Variants in RUFY1 observed in about 807,000 individuals in gnomAD.
RUFY1 encodes RUN and FYVE domain-containing protein 1.
A neutral mutation model predicts 94.6 loss-of-function variants in RUFY1; 54 were observed. The observed-to-expected ratio is 0.57, with a 90% CI of 0.46 to 0.72. RUFY1 has a LOEUF of 0.72. Ranked by LOEUF, RUFY1 falls within the 30% of genes least tolerant of loss-of-function variation. The pLI is 0.00. For synonymous variants in RUFY1, 396 were observed against 347.3 expected, an observed-to-expected ratio of 1.14 and a Z score of -1.56; for missense variants, 883 against 883.9, an observed-to-expected ratio of 1.00 and a Z score of 0.01.
chr5:179,609,617 AAG>A lies in RUFY1; in HGVS notation c.*100_*101del. ...GTTCTTTCCCAAGAGTATCAAAGGA[AAG>A]AATCAAATTTCTTGCCCGGTCACTG... On this transcript the variant is annotated 3_prime_UTR_variant, in exon 18 of 18. Coordinates refer to ENST00000319449, the MANE Select transcript of RUFY1 (RefSeq NM_025158.5). The A allele has an allele frequency of 1.6e-6, 2 of 1,249,178 alleles. No individual in the cohort carries two copies. The highest frequency in any genetic ancestry group is 2.1e-6 in the Non-Finnish European group (2 of 935,608). 77.4% of individuals were successfully genotyped at this position (1,249,178 alleles called of 1,614,324 possible).
At chr5:179,560,509 G>A (rs1214896886) in intron 2 of RUFY1, among the ~76,000 whole-genome samples, 1 of 151,358 alleles carries the variant, frequency 6.6e-6, no homozygotes, top group Non-Finnish European at 1.5e-5. Context: ...CACGAGGTCA[G>A]GATATCGAGA....
chr5:179,589,536 C>G lies in RUFY1; in HGVS notation c.1027-10C>G. 1 of 1,596,364 alleles carries G rather than the reference C, an allele frequency of 6.3e-7. No homozygotes were observed. Among genetic ancestry groups the G allele is most frequent in the South Asian group, 1.1e-5 (1 of 90,592 alleles). The stretch of plus-strand genomic sequence containing the variant: ...TGATGTTAAGAACTGTAAAAATTTT[C>G]CTTAATCAGCTTTCAGCTGCAACAG... On this transcript the variant is annotated splice_polypyrimidine_tract_variant and intron_variant, in intron 8 of 17. Coordinates refer to ENST00000319449, the MANE Select transcript of RUFY1 (RefSeq NM_025158.5).
chr5:179,590,486 T>C (rs1285703844), intron 9 of RUFY1, among the ~76,000 whole-genome samples: 1 of 151,710 alleles, frequency 6.6e-6, no homozygotes, highest in Non-Finnish European at 1.5e-5. Flanking sequence ...TTTTTGTTGT[T>C]GTTGTTTGTT....
intron 1 of RUFY1, 139 bp from the exon 2 acceptor site, chr5:179,559,886 G>C (rs1179395294): frequency 9.8e-6 from 14 of 1,428,110 alleles, no homozygotes; most frequent in Non-Finnish European, 1.3e-5. Flanking sequence ...TGCGAATCCC[G>C]GTTGCCCGCC....
At chr5:179,593,781 T>C in intron 11 of RUFY1, 136 bp downstream of exon 11, 1 of 1,359,748 alleles carries the variant, frequency 7.4e-7, no homozygotes, top group South Asian at 1.5e-5. Flanking sequence ...GGACCTATTA[T>C]GATTTTGATC....
In RUFY1 at chr5:179,583,458, C is replaced by T. The variant is rs146825133; in HGVS notation, c.957-2338C>T. On this transcript the variant is annotated intron_variant, in intron 7 of 17. Coordinates refer to ENST00000319449, the MANE Select transcript of RUFY1 (RefSeq NM_025158.5). ...TTAAGACGGAGTTTTGCTCTGTCGC[C>T]CAGGCTGGAGTGCAGTAGCGCGATC... is the stretch of plus-strand genomic sequence containing the variant. 4.7e-3 allele frequency among the ~76,000 whole-genome samples: 689 copies of T among 148,098 alleles called. 11 individuals are homozygous for T. Among genetic ancestry groups the T allele is most frequent in the African/African-American group, 0.016 (662 of 40,590 alleles).
rs1158145175 is a variant in RUFY1 at position 179,550,739 on chromosome 5, G to C, written c.170G>C (p.Arg57Pro). ...PGDLRSATRP[R>P]AAEGWSAPIL... Reference sequence around the variant, plus strand: ...GACCTGCGGAGCGCAACGAGGCCGCGGGCGGCCGAGGGCTGGTCGGCGCCC... The same window carrying C: ...GACCTGCGGAGCGCAACGAGGCCGCCGGCGGCCGAGGGCTGGTCGGCGCCC... Residue 57 changes from arginine (R) to proline (P), a missense_variant, in exon 1 of 18, where the codon CGG (arginine) becomes CCG (proline). Physicochemically the swap from Arg to Pro is moderately radical, Grantham distance 103. Transcript: ENST00000319449. 3 of 1,456,256 alleles carry C rather than the reference G, an allele frequency of 2.1e-6. No individual in the cohort carries two copies. The highest frequency in any genetic ancestry group is 1.8e-6 in the Non-Finnish European group (2 of 1,105,460). The allele number at this position is 1,456,256 out of a possible 1,614,324, so 90.2% of individuals were successfully genotyped here.
chr5:179,587,612 G>A (rs1355812089), intron 8 of RUFY1, among the ~76,000 whole-genome samples: 1 of 146,102 alleles, frequency 6.8e-6, no homozygotes, highest in African/African-American at 2.5e-5. Flanking sequence ...ATGTTAGCCA[G>A]GATGGTCTCA....
intron 6 of RUFY1, among the ~76,000 whole-genome samples, chr5:179,579,521 G>A (rs1466008759): frequency 2.0e-5 from 3 of 151,720 alleles, no homozygotes; most frequent in East Asian, 3.9e-4. Flanking sequence ...TAGTAGAGAC[G>A]GGGTTTTGCC....
chr5:179,601,779 A>G lies in RUFY1; in HGVS notation c.1762-113A>G, dbSNP rs536862114. 1.3e-5 allele frequency: 10 copies of G among 765,668 alleles called. No homozygotes were observed. In the African/African-American group the frequency reaches 1.5e-4, roughly 12 times the overall value. The allele number at this position is 765,668 out of a possible 1,614,324, so 47.4% of individuals were successfully genotyped here. On this transcript the variant is annotated intron_variant, in intron 14 of 17. Coordinates refer to ENST00000319449, the MANE Select transcript of RUFY1 (RefSeq NM_025158.5). Reference sequence around the variant, plus strand: ...GGTTGCAGTGAGCCAAGATCGTGCCACTGCACTCCAGCCTGGCAACAGAGC... The same window carrying G: ...GGTTGCAGTGAGCCAAGATCGTGCCGCTGCACTCCAGCCTGGCAACAGAGC...
chr5:179,561,515 G>A (rs1449453436), intron 2 of RUFY1, among the ~76,000 whole-genome samples: 1 of 151,620 alleles, frequency 6.6e-6, no homozygotes, highest in Non-Finnish European at 1.5e-5. Context: ...TTGTAATGGT[G>A]GGGAGGTGAC....
chr5:179,564,500 C>G, intron 3 of RUFY1, among the ~76,000 whole-genome samples: 1 of 149,066 alleles, frequency 6.7e-6, no homozygotes, highest in East Asian at 2.0e-4. Flanking sequence ...TCTCAGCTCA[C>G]TGTAAGCTCC....
intron 5 of RUFY1, chr5:179,572,657 A>G (rs7447429): frequency 0.41 from 74,502 of 180,638 alleles, 16,001 homozygotes; most frequent in East Asian, 0.73. Context: ...TGAGCACGGG[A>G]AAGTTTGTCC....
chr5:179,554,258 C>T (rs1285694860), intron 1 of RUFY1, among the ~76,000 whole-genome samples: 2 of 152,150 alleles, frequency 1.3e-5, no homozygotes, highest in East Asian at 1.9e-4. Context: ...TTGTCCCGGT[C>T]GGGTGCAGTG....
At chr5:179,582,758 G>A (rs1764261510) in intron 7 of RUFY1, among the ~76,000 whole-genome samples, 2 of 152,010 alleles carry the variant, frequency 1.3e-5, no homozygotes, top group Non-Finnish European at 2.9e-5. Context: ...CAGAAGAATC[G>A]CTTGGACCCG....
chr5:179,572,265 C>T (rs1054365933), intron 5 of RUFY1: 1 of 253,762 alleles, frequency 3.9e-6, no homozygotes, highest in Admixed American at 5.7e-5. Flanking sequence ...AAGGGAAGTA[C>T]GTCGTCCTCT....
Position 179,550,582 on chromosome 5 carries a change from G to C in RUFY1, c.13G>C (p.Glu5Gln). 9.1e-7 allele frequency: 1 copy of C among 1,101,660 alleles called. No homozygotes were observed. The highest frequency in any genetic ancestry group is 1.1e-6 in the Non-Finnish European group (1 of 900,794). 68.2% of individuals were successfully genotyped at this position (1,101,660 alleles called of 1,614,324 possible). Residue 5 changes from glutamate to glutamine, a missense_variant, in exon 1 of 18, where the codon GAA becomes CAA. Transcript: ENST00000319449. ...TGACACGGCCAAGATGGCCGACCGG[G>C]AAGGCGGCTGCGCTGCTGGGCGGGG... Reference protein sequence around the residue: MADREGGCAAGRGRE... With the variant: MADRQGGCAAGRGRE...
In RUFY1 at chr5:179,601,522, C is replaced by CT. The variant is rs1228880111; in HGVS notation, c.1762-356dup. 5.9e-3 allele frequency among the ~76,000 whole-genome samples: 838 copies of CT among 141,918 alleles called. 5 individuals carry two copies. Among genetic ancestry groups the CT allele is most frequent in the African/African-American group, 0.015 (600 of 39,028 alleles). The allele number at this position is 141,918 out of a possible 152,430, so 93.1% of individuals were successfully genotyped here. On this transcript the variant is annotated intron_variant, in intron 14 of 17. Coordinates refer to ENST00000319449, the MANE Select transcript of RUFY1 (RefSeq NM_025158.5). Reference sequence around the variant, plus strand: ...CTGCTTGTTGCTCTGGTTGCTGAATCTTTTTTTTTTTTTTAAAGGCCAGTG... The same window carrying CT: ...CTGCTTGTTGCTCTGGTTGCTGAATCTTTTTTTTTTTTTTTAAAGGCCAGTG...
At chr5:179,605,826 GAGCC>G in intron 15 of RUFY1, 46 bp from the exon 16 acceptor site, 2 of 1,222,842 alleles carry the variant, frequency 1.6e-6, no homozygotes, top group Non-Finnish European at 2.4e-6. Flanking sequence ...TAGGGATTCA[GAGCC>G]TCACTCTCTC....
Sources: gnomAD v4.1 joint callset for allele counts (sites outside exome capture counted in the v4.1 genomes callset) on GRCh38, gnomAD v4.1.1 for gene constraint, MANE v1.5 for transcripts, NCBI Gene and HGNC (gene_info 2026-07-23, HGNC 2026-07-21) for gene names.